GRIK4: variants seen among roughly 807,000 people sequenced by gnomAD.
The protein encoded by GRIK4 is glutamate ionotropic receptor kainate type subunit 4.
In GRIK4, 40 loss-of-function variants were observed where a neutral mutation model predicts 104.9. That is an observed-to-expected ratio of 0.38 (90% confidence interval 0.30 to 0.50). The LOEUF (loss-of-function observed/expected upper bound fraction) is 0.50. Ranked by LOEUF, GRIK4 falls within the 20% of genes least tolerant of loss-of-function variation. The probability of loss-of-function intolerance (pLI) is 0.93; values close to 1 mark genes in which losing one functional copy is unlikely to be tolerated. For missense variants in GRIK4, 1,047 were observed against 1,308.1 expected (o/e 0.80, Z 3.08); for synonymous variants, 485 against 524.9 (o/e 0.92, Z 1.04).
intron 1 of GRIK4, among the ~76,000 whole-genome samples, chr11:120,618,019 C>T (rs1248677341): frequency 1.3e-5 from 2 of 152,092 alleles, no homozygotes; most frequent in Admixed American, 1.3e-4. Context: ...ATGGAGGGCT[C>T]AGCAGAAGGC....
intron 8 of GRIK4, among the ~76,000 whole-genome samples, chr11:120,838,564 T>C (rs1166308453): frequency 4.6e-5 from 7 of 152,160 alleles, no homozygotes; most frequent in Non-Finnish European, 2.9e-5. Context: ...GTATAAATGA[T>C]GCTGGTTGAA....
chr11:120,532,360 G>A (rs1947932568), intron 1 of GRIK4, among the ~76,000 whole-genome samples: 1 of 152,312 alleles, frequency 6.6e-6, no homozygotes, highest in East Asian at 1.9e-4. Flanking sequence ...GTGGACCCAG[G>A]AGTCGGGTGG....
rs745981573 is a variant in GRIK4, at chr11:120,898,646, G to T, written c.1272+7G>T. 6.5e-7 allele frequency: 1 copy of T among 1,528,848 alleles called. No individual in the cohort carries two copies. The highest frequency in any genetic ancestry group is 1.4e-5 in the African/African-American group (1 of 73,282). 94.7% of individuals were successfully genotyped at this position (1,528,848 alleles called of 1,614,324 possible). On this transcript the variant is annotated splice_region_variant and intron_variant, in intron 12 of 20. Transcript: ENST00000527524. The stretch of plus-strand genomic sequence containing the variant: ...GGTCGTCACCACCATCCTGGTAAGT[G>T]GGCTCTCCTAGGCTCCCAGCTGCAG...
chr11:120,715,846 C>T lies in GRIK4; in HGVS notation c.82+55446C>T, dbSNP rs562606660. Among the ~76,000 whole-genome samples, 27 of 152,188 alleles carry T rather than the reference C, an allele frequency of 1.8e-4. No individual in the cohort carries two copies. In the South Asian group the frequency reaches 5.4e-3, roughly 31 times the overall value. On this transcript the variant is annotated intron_variant, in intron 3 of 20. Coordinates refer to ENST00000527524, the MANE Select transcript of GRIK4 (RefSeq NM_014619.5). Reference sequence around the variant, plus strand: ...ACTGAAGCAGAAAATAGGACGCAGCCTCCTCTGGGTTCCAGCCTTAATTTA... The same window carrying T: ...ACTGAAGCAGAAAATAGGACGCAGCTTCCTCTGGGTTCCAGCCTTAATTTA...
chr11:120,985,840 G>C (rs1305108521), intron 20 of GRIK4, 64 bp from the exon 21 acceptor site: 49 of 1,456,740 alleles, frequency 3.4e-5, no homozygotes, highest in Non-Finnish European at 1.5e-5. Context: ...CATCCCAGCG[G>C]ACTCGCAGGG....
intron 3 of GRIK4, among the ~76,000 whole-genome samples, chr11:120,744,056 G>T (rs1951388352): frequency 6.6e-6 from 1 of 152,208 alleles, no homozygotes; most frequent in South Asian, 2.1e-4. Flanking sequence ...TGGAGATGGA[G>T]CTAAGTCCTG....
At chr11:120,972,788 G>C (rs1328224609) in intron 19 of GRIK4, among the ~76,000 whole-genome samples, 2 of 152,100 alleles carry the variant, frequency 1.3e-5, no homozygotes, top group Non-Finnish European at 2.9e-5. Context: ...TTCTTCTGGA[G>C]AGTTTGGCTG....
intron 3 of GRIK4, among the ~76,000 whole-genome samples, chr11:120,733,747 T>C (rs2846123): frequency 0.73 from 106,395 of 144,866 alleles, 39,018 homozygotes; most frequent in Middle Eastern, 0.85. Flanking sequence ...TTTTTTTTTT[T>C]TTTTTTTTGA....
chr11:120,889,781 T>C (rs1048885801), intron 11 of GRIK4, among the ~76,000 whole-genome samples: 3 of 151,870 alleles, frequency 2.0e-5, no homozygotes, highest in African/African-American at 7.3e-5. Context: ...ATTTTCTGTT[T>C]TTAGTAGAGA....
At chr11:120,855,388 C>T (rs1423634672) in intron 8 of GRIK4, among the ~76,000 whole-genome samples, 2 of 152,190 alleles carry the variant, frequency 1.3e-5, no homozygotes, top group Non-Finnish European at 2.9e-5. Flanking sequence ...CTCTCATGTT[C>T]TCAGTGAAGT....
At chr11:120,844,474 A>G (rs775625062) in intron 8 of GRIK4, among the ~76,000 whole-genome samples, 13 of 152,212 alleles carry the variant, frequency 8.5e-5, no homozygotes, top group Non-Finnish European at 1.8e-4. Flanking sequence ...GGCCTCCTAC[A>G]TAGTAGGCAC....
At chr11:120,512,518 G>A (rs962987421) in intron 1 of GRIK4, among the ~76,000 whole-genome samples, 4 of 151,922 alleles carry the variant, frequency 2.6e-5, no homozygotes, top group African/African-American at 9.7e-5. Context: ...GGGAACCAGC[G>A]TCCTATCAGA....
intron 3 of GRIK4, among the ~76,000 whole-genome samples, chr11:120,755,785 C>T (rs1951641450): frequency 6.6e-6 from 1 of 152,036 alleles, no homozygotes; most frequent in Non-Finnish European, 1.5e-5. Context: ...TTGGCCTTGC[C>T]CTCCTACCCT....
intron 13 of GRIK4, among the ~76,000 whole-genome samples, chr11:120,928,934 C>G (rs1020364591): frequency 1.7e-4 from 26 of 151,950 alleles, no homozygotes; most frequent in Non-Finnish European, 2.8e-4. Flanking sequence ...TTTCTACAAA[C>G]ATGGGCTCGC....
At chr11:120,557,037 C>T (rs988094303) in intron 1 of GRIK4, among the ~76,000 whole-genome samples, 3 of 152,140 alleles carry the variant, frequency 2.0e-5, no homozygotes, top group South Asian at 4.2e-4. Flanking sequence ...CAGAAGGCAC[C>T]GACCTCTGAC....
At chr11:120,586,297 G>A (rs535463632) in intron 1 of GRIK4, among the ~76,000 whole-genome samples, 1 of 152,182 alleles carries the variant, frequency 6.6e-6, no homozygotes, top group Non-Finnish European at 1.5e-5. Flanking sequence ...ATATGCAAAG[G>A]TTTAGGGGCA....
rs1373739727 is a variant in GRIK4, at chr11:120,802,735, G to A, written c.125G>A (p.Arg42Gln). The part of the protein sequence containing the change: ...DDPMECSRGE[R>Q]LSITLAKNRI... ...CCCATGGAGTGCAGCAGAGGGGAGC[G>A]GCTCTCCATCACCCTGGCCAAGAAC... The change falls in exon 4 of 21, where the codon CGG becomes CAG. Residue 42 changes from arginine to glutamine, a missense_variant. By Grantham distance (43) the Arg-to-Gln change is conservative. Coordinates refer to ENST00000527524, the MANE Select transcript of GRIK4 (RefSeq NM_014619.5). 4 of 1,614,114 alleles carry A rather than the reference G, an allele frequency of 2.5e-6. No homozygotes were observed. Among genetic ancestry groups the A allele is most frequent in the East Asian group, 2.2e-5 (1 of 44,886 alleles).
chr11:120,941,674 A>G, intron 14 of GRIK4, among the ~76,000 whole-genome samples: 1 of 152,140 alleles, frequency 6.6e-6, no homozygotes, highest in East Asian at 1.9e-4. Flanking sequence ...AGACACATAG[A>G]GGAGAATGCC....
chr11:120,922,829 A>G (rs1049078055), intron 13 of GRIK4, among the ~76,000 whole-genome samples: 6 of 152,198 alleles, frequency 3.9e-5, no homozygotes, highest in African/African-American at 1.4e-4. Context: ...TATCTTATGC[A>G]GCCTTCAGAT....
Sources: gnomAD v4.1 joint callset for allele counts (sites outside exome capture counted in the v4.1 genomes callset) on GRCh38, gnomAD v4.1.1 for gene constraint, MANE v1.5 for transcripts, NCBI Gene and HGNC (gene_info 2026-07-23, HGNC 2026-07-21) for gene names.